SMYD2: variants seen among roughly 807,000 people sequenced by gnomAD.
SMYD2 encodes N-lysine methyltransferase SMYD2.
Under a neutral mutation model 59.1 loss-of-function variants are expected in SMYD2, and 53 were observed. The observed-to-expected ratio is 0.90, with a 90% CI of 0.72 to 1.13. The LOEUF is 1.13. Among genes scored for constraint, SMYD2 ranks in the 50% most tolerant of loss-of-function variants. The pLI, the probability that SMYD2 is intolerant of heterozygous loss-of-function variation, is 0.00. For missense variants in SMYD2, 494 were observed against 544.7 expected (o/e 0.91, Z 0.93); for synonymous variants, 208 against 198.8 (o/e 1.05, Z -0.39).
intron 1 of SMYD2, among the ~76,000 whole-genome samples, chr1:214,285,440 G>A (rs1656521632): frequency 6.6e-6 from 1 of 152,160 alleles, no homozygotes; most frequent in Admixed American, 6.5e-5. Context: ...TTTGAGAGTT[G>A]TTTTGGGGGA....
Position 214,281,364 on chromosome 1 carries a change from C to T in SMYD2, c.110C>T (p.Pro37Leu), listed in dbSNP as rs759111772. 2.1e-5 allele frequency: 31 copies of T among 1,456,810 alleles called. No homozygotes were observed. Among genetic ancestry groups the T allele is most frequent in the Non-Finnish European group, 9.1e-7 (1 of 1,096,248 alleles). 90.2% of individuals were successfully genotyped at this position (1,456,810 alleles called of 1,614,324 possible). Residue 37 changes from proline (P) to leucine (L), a missense_variant, in exon 1 of 12, where the codon CCG (proline) becomes CTG (leucine). Pro to Leu is a moderately conservative substitution (Grantham distance 98). Transcript: ENST00000366957. The stretch of plus-strand genomic sequence containing the variant: ...GTGGGGGACTTGCTGTTCTCCTGCC[C>T]GGCCTATGCCTACGTGCTCACGGTC... The part of the protein sequence containing the change: ...FQVGDLLFSC[P>L]AYAYVLTVNE...
chr1:214,330,884 G>A, intron 8 of SMYD2, 66 bp from the exon 9 acceptor site: 1 of 1,609,062 alleles, frequency 6.2e-7, no homozygotes, highest in Non-Finnish European at 8.5e-7. Context: ...TATTATATGA[G>A]AGGTTTCCCT....
chr1:214,282,211 TGA>T (rs1656463037), intron 1 of SMYD2, among the ~76,000 whole-genome samples: 2 of 152,250 alleles, frequency 1.3e-5, no homozygotes, highest in African/African-American at 4.8e-5. Flanking sequence ...TCAACTCTTA[TGA>T]GAGTTTCAGA....
At chr1:214,303,837 G>A (rs1218560764) in intron 1 of SMYD2, among the ~76,000 whole-genome samples, 1 of 152,238 alleles carries the variant, frequency 6.6e-6, no homozygotes, top group African/African-American at 2.4e-5. Context: ...GAGGAGGGGG[G>A]ACGAGGTGGC....
intron 1 of SMYD2, among the ~76,000 whole-genome samples, chr1:214,283,235 A>G (rs1014987536): frequency 3.9e-5 from 6 of 152,184 alleles, no homozygotes; most frequent in African/African-American, 1.4e-4. Context: ...CAAGTTCACA[A>G]AGCATTCAGC....
rs1465435077 is a variant in SMYD2 at position 214,287,523 on chromosome 1, G to T, written c.173+6096G>T. Among the ~76,000 whole-genome samples, 5 of 148,562 alleles carry T rather than the reference G, an allele frequency of 3.4e-5. No individual in the cohort carries two copies. The South Asian group carries it at 1.1e-3, about 32-fold the overall frequency. On this transcript the variant is annotated intron_variant, in intron 1 of 11. Transcript: ENST00000366957. ...AATCGCTTGAACCCGGGAGGTGGAG[G>T]TTGTGGCGAGTTGAGAGTGCGCCAC...
intron 2 of SMYD2, among the ~76,000 whole-genome samples, chr1:214,309,039 T>C (rs1050475024): frequency 6.6e-6 from 1 of 152,206 alleles, no homozygotes; most frequent in Non-Finnish European, 1.5e-5. Context: ...ATTTCCTCTT[T>C]ACATGGAGTA....
In SMYD2 at chr1:214,317,954, T is replaced by G. The variant is rs1038104200; in HGVS notation, c.349-125T>G. Reference sequence around the variant, plus strand: ...GAGCCCTAGTGGTGGAGTCCTTGAGTAGCTTGTTTTACTTCCTTAAGAATT... The same window carrying G: ...GAGCCCTAGTGGTGGAGTCCTTGAGGAGCTTGTTTTACTTCCTTAAGAATT... On this transcript the variant is annotated intron_variant, in intron 3 of 11. Coordinates refer to ENST00000366957, the MANE Select transcript of SMYD2 (RefSeq NM_020197.3). The G allele has an allele frequency of 1.4e-5, 13 of 913,728 alleles. No individual in the cohort carries two copies. In the Middle Eastern group the frequency reaches 2.2e-3, roughly 152 times the overall value. The allele number at this position is 913,728 out of a possible 1,614,324, so 56.6% of individuals were successfully genotyped here. A position where few individuals can be genotyped will look rare whatever the true frequency, so the allele number is the denominator to read the frequency against.
At chr1:214,284,706 G>C (rs1656507619) in intron 1 of SMYD2, among the ~76,000 whole-genome samples, 1 of 152,040 alleles carries the variant, frequency 6.6e-6, no homozygotes. Flanking sequence ...AGTAGAGACA[G>C]GGTTTCATCA....
rs201755081 is a variant in SMYD2 at position 214,314,033 on chromosome 1, C to T, written c.238-729C>T. 6.6e-5 allele frequency among the ~76,000 whole-genome samples: 10 copies of T among 152,188 alleles called. No individual in the cohort carries two copies. In the East Asian group the frequency reaches 7.7e-4, roughly 12 times the overall value. On this transcript the variant is annotated intron_variant, in intron 2 of 11. Transcript: ENST00000366957. The stretch of plus-strand genomic sequence containing the variant: ...CTCTACTAAAAATACAAAAATTAGC[C>T]GGGCGTAGTGGCACACACCTGTAAT...
chr1:214,299,614 TTTG>T (rs894805214), intron 1 of SMYD2, among the ~76,000 whole-genome samples: 23 of 152,062 alleles, frequency 1.5e-4, no homozygotes, highest in African/African-American at 5.6e-4. Flanking sequence ...TTCTCACTTC[TTTG>T]TTGTTGTTGT....
chr1:214,316,414 A>G (rs542077878), intron 3 of SMYD2, among the ~76,000 whole-genome samples: 5 of 152,132 alleles, frequency 3.3e-5, no homozygotes, highest in African/African-American at 1.2e-4. Context: ...CCGGAACTTC[A>G]AGGCTGCAGT....
Position 214,281,321 on chromosome 1 carries a change from G to A in SMYD2, c.67G>A (p.Ala23Thr), listed in dbSNP as rs544827698. 4 of 1,419,688 alleles carry A rather than the reference G, an allele frequency of 2.8e-6. No homozygotes were observed. Among genetic ancestry groups the A allele is most frequent in the Admixed American group, 2.4e-5 (1 of 41,478 alleles). The allele number at this position is 1,419,688 out of a possible 1,614,324, so 87.9% of individuals were successfully genotyped here. A position where few individuals can be genotyped will look rare whatever the true frequency, so the allele number is the denominator to read the frequency against. Reference sequence around the variant, plus strand: ...CCCGGGCAAAGGCCGGGGGCTGCGGGCTCTGCAGCCCTTCCAGGTGGGGGA... The same window carrying A: ...CCCGGGCAAAGGCCGGGGGCTGCGGACTCTGCAGCCCTTCCAGGTGGGGGA... Reference protein sequence around the residue: ...CSPGKGRGLRALQPFQVGDLL... With the variant: ...CSPGKGRGLRTLQPFQVGDLL... Residue 23 changes from alanine (A) to threonine (T), a missense_variant, in exon 1 of 12, where the codon GCT becomes ACT. Ala to Thr is a moderately conservative substitution (Grantham distance 58). Transcript: ENST00000366957.
At chr1:214,303,293 T>G (rs1375724011) in intron 1 of SMYD2, among the ~76,000 whole-genome samples, 1 of 152,210 alleles carries the variant, frequency 6.6e-6, no homozygotes, top group African/African-American at 2.4e-5. Flanking sequence ...TTGCTTTTCC[T>G]CCCCTGGGCA....
intron 1 of SMYD2, among the ~76,000 whole-genome samples, chr1:214,304,532 C>G (rs979304920): frequency 1.2e-4 from 15 of 120,870 alleles, no homozygotes; most frequent in Non-Finnish European, 9.5e-5. Flanking sequence ...GCACTCCAGC[C>G]TGGGTGACAG....
chr1:214,321,514 C>T (rs1657172204), intron 5 of SMYD2, among the ~76,000 whole-genome samples: 1 of 152,226 alleles, frequency 6.6e-6, no homozygotes, highest in South Asian at 2.1e-4. Context: ...ACCGGTCCCA[C>T]CTCTCAGCCA....
chr1:214,314,925 G>A (rs1657056945), intron 3 of SMYD2, 53 bp downstream of exon 3: 24 of 1,411,482 alleles, frequency 1.7e-5, no homozygotes, highest in Non-Finnish European at 2.3e-5. Flanking sequence ...TTCTTTTAAA[G>A]GTCAGAAAGA....
chr1:214,319,579 G>A (rs764532138), intron 5 of SMYD2, among the ~76,000 whole-genome samples: 2 of 152,192 alleles, frequency 1.3e-5, no homozygotes, highest in Non-Finnish European at 2.9e-5. Context: ...ATTTGAAAGT[G>A]ATTACAGCTT....
chr1:214,323,984 A>T (rs1472969283), intron 5 of SMYD2, among the ~76,000 whole-genome samples: 1 of 151,994 alleles, frequency 6.6e-6, no homozygotes, highest in Non-Finnish European at 1.5e-5. Context: ...CTGGAGTGCA[A>T]TGGCACAATC....
Sources: gnomAD v4.1 joint callset for allele counts (sites outside exome capture counted in the v4.1 genomes callset) on GRCh38, gnomAD v4.1.1 for gene constraint, MANE v1.5 for transcripts, NCBI Gene and HGNC (gene_info 2026-07-23, HGNC 2026-07-21) for gene names.